Variants in SAMD3 observed in about 807,000 individuals in gnomAD.
SAMD3 encodes sterile alpha motif domain containing 3.
SAMD3 carries 63 observed loss-of-function variants against 58.5 expected under a neutral mutation model. The observed-to-expected ratio is 1.08, with a 90% confidence interval of 0.88 to 1.33. The LOEUF (loss-of-function observed/expected upper bound fraction) is 1.33. Ranked by LOEUF, SAMD3 falls within the 40% of genes most tolerant of loss-of-function variation. The pLI is 0.00. For missense variants in SAMD3, 604 were observed against 608.4 expected, an observed-to-expected ratio of 0.99 and a Z score of 0.08; for synonymous variants, 220 against 210.3, an observed-to-expected ratio of 1.05 and a Z score of -0.40.
At chr6:130,365,318 G>C (rs1778106071) in exon 1 of SAMD3, 2 of 985,426 alleles carry the variant, frequency 2.0e-6, no homozygotes, top group Non-Finnish European at 2.4e-6. Context: ...AGTTCCCTCT[G>C]TCTTCCATTT....
intron 2 of SAMD3, among the ~76,000 whole-genome samples, chr6:130,269,196 A>C (rs933944899): frequency 6.6e-6 from 1 of 152,186 alleles, no homozygotes; most frequent in Non-Finnish European, 1.5e-5. Context: ...TTGCTCCAGC[A>C]CCATTTGTCG....
At chr6:130,353,336 G>A (rs913301303) in intron 1 of SAMD3, among the ~76,000 whole-genome samples, 1 of 152,134 alleles carries the variant, frequency 6.6e-6, no homozygotes, top group Non-Finnish European at 1.5e-5. Context: ...ATATGCAGTT[G>A]GTCAAACCTA....
At chr6:130,163,891 ATAGCTTTCAAAGC>A (rs1170848289) in intron 8 of SAMD3, among the ~76,000 whole-genome samples, 1 of 152,178 alleles carries the variant, frequency 6.6e-6, no homozygotes, top group Non-Finnish European at 1.5e-5. Flanking sequence ...AAGCTATTTC[ATAGCTTTCAAAGC>A]TATAGGGTAT....
chr6:130,326,701 C>T (rs764397571), intron 1 of SAMD3, among the ~76,000 whole-genome samples: 11 of 152,140 alleles, frequency 7.2e-5, no homozygotes, highest in Non-Finnish European at 1.6e-4. Context: ...AATTTAGGAT[C>T]GCCACTAATT....
At chr6:130,361,875 G>A (rs149355) in intron 1 of SAMD3, among the ~76,000 whole-genome samples, 4,885 of 152,258 alleles carry the variant, frequency 0.032, 117 homozygotes, top group Middle Eastern at 0.051. Flanking sequence ...GCTACATGCC[G>A]ACCCAAATGT....
chr6:130,308,946 C>T (rs1776043420), intron 2 of SAMD3, among the ~76,000 whole-genome samples: 2 of 151,984 alleles, frequency 1.3e-5, no homozygotes, highest in African/African-American at 2.4e-5. Context: ...AATTATTATC[C>T]TTATTTTAAT....
chr6:130,266,205 T>C (rs1418187584), intron 2 of SAMD3, among the ~76,000 whole-genome samples: 1 of 152,178 alleles, frequency 6.6e-6, no homozygotes, highest in Non-Finnish European at 1.5e-5. Context: ...AAACCTTCTA[T>C]GATGAACTGA....
intron 2 of SAMD3, among the ~76,000 whole-genome samples, chr6:130,287,163 T>C (rs1775188264): frequency 6.6e-6 from 1 of 152,244 alleles, no homozygotes; most frequent in South Asian, 2.1e-4. Context: ...TTTGCTGTAA[T>C]GATCTTTACC....
chr6:130,174,137 C>G lies in SAMD3; in HGVS notation c.822+1704G>C, dbSNP rs565556594. Among the ~76,000 whole-genome samples, 303 of 152,300 alleles carry G rather than the reference C, an allele frequency of 2.0e-3. 2 individuals are homozygous for G. Among genetic ancestry groups the G allele is most frequent in the African/African-American group, 7.0e-3 (289 of 41,566 alleles). On this transcript the variant is annotated intron_variant, in intron 8 of 11. Transcript: ENST00000439090. ...CTCCATGGGAGTGGGACCCACTGAG[C>G]AAGACCACTTGGCTCCCTGGCTTCA... is the stretch of plus-strand genomic sequence containing the variant.
Position 130,222,548 on chromosome 6 carries a change from A to G in SAMD3, c.-68+146T>C, listed in dbSNP as rs1216678142. The G allele has an allele frequency of 3.3e-5, 5 of 152,376 alleles. No homozygotes were observed. The East Asian group carries it at 5.8e-4, about 18-fold the overall frequency. 9.4% of individuals were successfully genotyped at this position (152,376 alleles called of 1,614,324 possible). A position where few individuals can be genotyped will look rare whatever the true frequency, so the allele number is the denominator to read the frequency against. ...CAAAGGCTGGGAAAGCATATACTAG[A>G]AGGCAGAAGTGGCAATCTCTGTTTG... On this transcript the variant is annotated intron_variant, in intron 1 of 11. Coordinates refer to ENST00000439090, the MANE Select transcript of SAMD3 (RefSeq NM_001017373.4).
At chr6:130,307,844 T>G (rs7758496) in intron 2 of SAMD3, among the ~76,000 whole-genome samples, 73,364 of 151,964 alleles carry the variant, frequency 0.48, 21,718 homozygotes, top group African/African-American at 0.84. Flanking sequence ...ATCTATAGAA[T>G]TTGAGACAGT....
Position 130,184,149 on chromosome 6 carries a change from G to A in SAMD3, c.608C>T (p.Ala203Val), listed in dbSNP as rs868263287. The A allele has an allele frequency of 4.7e-5, 76 of 1,613,866 alleles. No individual in the cohort carries two copies. Among genetic ancestry groups the A allele is most frequent in the Non-Finnish European group, 6.0e-5 (71 of 1,179,922 alleles). ...STQQYNDVVN[A>V]LLQAHPFLDE... ...CAGGAAAGGGTGGGCCTGCAGCAGG[G>A]CATTAACCACGTCATTGTACTGCTG... Residue 203 changes from alanine to valine, a missense_variant, in exon 7 of 12, where the codon GCC becomes GTC. Coordinates refer to ENST00000439090, the MANE Select transcript of SAMD3 (RefSeq NM_001017373.4).
intron 1 of SAMD3, among the ~76,000 whole-genome samples, chr6:130,337,400 T>C (rs942867612): frequency 5.9e-5 from 9 of 152,150 alleles, no homozygotes; most frequent in African/African-American, 1.9e-4. Flanking sequence ...AATGAGTCAA[T>C]AAACCTCTTT....
intron 8 of SAMD3, among the ~76,000 whole-genome samples, chr6:130,167,632 C>T (rs555891273): frequency 6.6e-6 from 1 of 152,210 alleles, no homozygotes; most frequent in African/African-American, 2.4e-5. Flanking sequence ...TATAAATACA[C>T]GATGAGGTAC....
chr6:130,303,406 A>G (rs1309697336), intron 2 of SAMD3, among the ~76,000 whole-genome samples: 4 of 152,220 alleles, frequency 2.6e-5, no homozygotes, highest in African/African-American at 9.6e-5. Flanking sequence ...CAATATCTCC[A>G]TTTAGGTACT....
In SAMD3 at chr6:130,216,581, T is replaced by C. The variant is rs1269147437; in HGVS notation, c.-32A>G. 1 of 150,754 alleles carries C rather than the reference T, an allele frequency of 6.6e-6. No homozygotes were observed. Among genetic ancestry groups the C allele is most frequent in the Non-Finnish European group, 1.5e-5 (1 of 68,038 alleles). The allele number at this position is 150,754 out of a possible 1,614,324, so 9.3% of individuals were successfully genotyped here. On this transcript the variant is annotated 5_prime_UTR_variant, in exon 2 of 12. Coordinates refer to ENST00000439090, the MANE Select transcript of SAMD3 (RefSeq NM_001017373.4). ...GGGAAACATGTTTACCTTGCATATGTGACAAGCTGGAAAGATAGTCTTCAA... is the reference window on the plus strand; with the variant it reads ...GGGAAACATGTTTACCTTGCATATGCGACAAGCTGGAAAGATAGTCTTCAA...
At chr6:130,310,904 G>T (rs549517329) in intron 2 of SAMD3, among the ~76,000 whole-genome samples, 1 of 152,132 alleles carries the variant, frequency 6.6e-6, no homozygotes, top group Non-Finnish European at 1.5e-5. Flanking sequence ...AGTAGGTTTC[G>T]ATTTTTCAAT....
At position 130,144,796 on chromosome 6, in the gene SAMD3, C is replaced by T; in HGVS notation, c.1287G>A (p.Val429=). Residue 429 remains valine (V), a synonymous_variant, in exon 12 of 12, where the codon GTG becomes GTA. Coordinates refer to ENST00000439090, the MANE Select transcript of SAMD3 (RefSeq NM_001017373.4). ...TTTTAACTTCCAACACAGGTGTGGA[C>T]ACTTGCACCTGAAAAAAAGAGTGGA... is the stretch of plus-strand genomic sequence containing the variant. ...LFVIMNEQVQ[V]STPVLEVKNP... 1.2e-6 allele frequency: 2 copies of T among 1,607,894 alleles called. No homozygotes were observed. Among genetic ancestry groups the T allele is most frequent in the Non-Finnish European group, 1.7e-6 (2 of 1,177,760 alleles).
At chr6:130,315,009 A>T (rs1776311435) in intron 1 of SAMD3, among the ~76,000 whole-genome samples, 1 of 152,240 alleles carries the variant, frequency 6.6e-6, no homozygotes, top group Non-Finnish European at 1.5e-5. Flanking sequence ...GAATCTTAAT[A>T]CATGGACAAA....
Sources: gnomAD v4.1 joint callset for allele counts (sites outside exome capture counted in the v4.1 genomes callset) on GRCh38, gnomAD v4.1.1 for gene constraint, MANE v1.5 for transcripts, NCBI Gene and HGNC (gene_info 2026-07-23, HGNC 2026-07-21) for gene names.